SETMAR: variants seen among roughly 807,000 people sequenced by gnomAD.
The protein encoded by SETMAR is histone-lysine N-methyltransferase SETMAR.
In SETMAR, 44 loss-of-function variants were observed where a neutral mutation model predicts 58.4. That is an observed-to-expected ratio of 0.75 (90% CI 0.59 to 0.97). SETMAR has a LOEUF of 0.97. Among genes scored for constraint, SETMAR ranks in the 50% least tolerant of loss-of-function variants. The pLI is 0.00. For missense variants in SETMAR, 903 were observed against 840.2 expected (o/e 1.07, Z -0.92); for synonymous variants, 332 against 307.4 (o/e 1.08, Z -0.84).
At chr3:4,312,873 C>T in intron 1 of SETMAR, 25 bp from the exon 2 acceptor site, 5 of 1,586,622 alleles carry the variant, frequency 3.2e-6, no homozygotes, top group Non-Finnish European at 3.4e-6. Flanking sequence ...GCCGTGCTGA[C>T]TTACAGTGTG....
chr3:4,303,613 A>T lies in SETMAR; in HGVS notation c.156+87A>T, dbSNP rs559489150. The T allele has an allele frequency of 1.1e-3, 1,531 of 1,377,484 alleles. 10 individuals are homozygous for T. Among genetic ancestry groups the T allele is most frequent in the Middle Eastern group, 7.8e-3 (29 of 3,700 alleles). The allele number at this position is 1,377,484 out of a possible 1,614,324, so 85.3% of individuals were successfully genotyped here. On this transcript the variant is annotated intron_variant, in intron 1 of 2. Transcript: ENST00000358065. ...AGCCGCCTCGCTGGGACGGCCTCCC[A>T]GTCGCGACCTTTTGTCTTCTCTTAC...
intron 2 of SETMAR, 25 bp from the exon 3 acceptor site, chr3:4,316,187 T>A: frequency 3.0e-6 from 2 of 663,050 alleles, no homozygotes; most frequent in South Asian, 3.3e-5. Flanking sequence ...AATGACATCT[T>A]ACTTGCTGTT....
chr3:4,316,184 TCTTA>T, intron 2 of SETMAR, 24 bp from the exon 3 acceptor site: 2 of 654,284 alleles, frequency 3.1e-6, no homozygotes, highest in Non-Finnish European at 5.5e-6. Context: ...GCTAATGACA[TCTTA>T]CTTGCTGTTT....
rs568818086 is a variant in SETMAR, at chr3:4,313,447, C to T, written c.706C>T (p.Arg236Ter). 7.2e-5 allele frequency: 117 copies of T among 1,613,908 alleles called. 2 individuals are homozygous for T. In the South Asian group the frequency reaches 9.2e-4, roughly 13 times the overall value. ...GCCAAACCTTTTGATGATTCCTGTC[C>T]GAATTGACTCAATGGTACCTAAGTT... is the stretch of plus-strand genomic sequence containing the variant. ...CEPNLLMIPVRIDSMVPKLAL... is the reference protein window; with the variant it reads ...CEPNLLMIPV The change falls in exon 2 of 3, where the codon CGA becomes TGA. Residue 236 changes from arginine to a stop codon, truncating the protein, a stop_gained. Coordinates refer to ENST00000358065, the MANE Select transcript of SETMAR (RefSeq NM_006515.4). LOFTEE classifies it high-confidence loss of function.
Position 4,309,505 on chromosome 3 carries a change from C to G in SETMAR, c.157-3393C>G, listed in dbSNP as rs310725. On this transcript the variant is annotated intron_variant, in intron 1 of 2. Coordinates refer to ENST00000358065, the MANE Select transcript of SETMAR (RefSeq NM_006515.4). ...TTGTTTGCAAGAAACATAACACAAACTGGCTCCAACAAAAAAGGGAAGGAA... is the reference window on the plus strand; with the variant it reads ...TTGTTTGCAAGAAACATAACACAAAGTGGCTCCAACAAAAAAGGGAAGGAA... Among the ~76,000 whole-genome samples the G allele has an allele frequency of 4.2e-3, 642 of 152,286 alleles. 3 individuals are homozygous for G. Among genetic ancestry groups the G allele is most frequent in the African/African-American group, 0.014 (600 of 41,570 alleles).
At chr3:4,309,194 A>G (rs1698308744) in intron 1 of SETMAR, among the ~76,000 whole-genome samples, 1 of 152,214 alleles carries the variant, frequency 6.6e-6, no homozygotes, top group Admixed American at 6.5e-5. Flanking sequence ...AGCAGGCTTC[A>G]GAGAGAATAG....
In SETMAR at chr3:4,303,501, C is replaced by T. The variant is rs1236145530; in HGVS notation, c.131C>T (p.Pro44Leu). ...AACTTGCCGGTGGGCGCGTGGCCCC[C>T]GGGGGCCGCGCCGGCGCCCTTCCAG... ...QENLPVGAWP[P>L]GAAPAPFQYT... Residue 44 changes from proline to leucine, a missense_variant, in exon 1 of 3, where the codon CCG (proline) becomes CTG (leucine). Transcript: ENST00000358065. 2 of 1,452,586 alleles carry T rather than the reference C, an allele frequency of 1.4e-6. No individual in the cohort carries two copies. The highest frequency in any genetic ancestry group is 6.0e-5 in the East Asian group (2 of 33,086). 90.0% of individuals were successfully genotyped at this position (1,452,586 alleles called of 1,614,324 possible).
rs992418353 is a variant in SETMAR at position 4,317,009 on chromosome 3, C to T, written c.1818C>T (p.Gly606=). ...CACTTCAAAAGTTGAATGAATTGGG[C>T]TATGAAGTTTTGCCTCATCCACCGT... The part of the protein sequence containing the change: ...QPTLQKLNEL[G]YEVLPHPPYS... Residue 606 remains glycine (G), a synonymous_variant, in exon 3 of 3, where the codon GGC becomes GGT. Transcript: ENST00000358065. 4 of 1,549,282 alleles carry T rather than the reference C, an allele frequency of 2.6e-6. No individual in the cohort carries two copies. The highest frequency in any genetic ancestry group is 2.0e-5 in the Admixed American group (1 of 50,964).
At chr3:4,310,494 T>C (rs1259867349) in intron 1 of SETMAR, among the ~76,000 whole-genome samples, 1 of 152,176 alleles carries the variant, frequency 6.6e-6, no homozygotes, top group Non-Finnish European at 1.5e-5. Context: ...AGTGATTATA[T>C]CCATCACGGG....
rs1002082289 is a variant in SETMAR, at chr3:4,313,238, G to T, written c.497G>T (p.Cys166Phe). The T allele has an allele frequency of 1.9e-6, 3 of 1,613,970 alleles. No homozygotes were observed. Among genetic ancestry groups the T allele is most frequent in the Non-Finnish European group, 2.5e-6 (3 of 1,179,994 alleles). The change falls in exon 2 of 3, where the codon TGT becomes TTT. Residue 166 changes from cysteine (C) to phenylalanine (F), a missense_variant. Transcript: ENST00000358065. ...LEFIPKGRFV[C>F]EYAGEVLGFS... is the part of the protein sequence containing the mutation. Reference sequence around the variant, plus strand: ...TTTATACCGAAAGGAAGGTTTGTCTGTGAATATGCTGGTGAGGTTTTAGGA... The same window carrying T: ...TTTATACCGAAAGGAAGGTTTGTCTTTGAATATGCTGGTGAGGTTTTAGGA...
In SETMAR at chr3:4,313,336, C is replaced by G. The variant is rs758612332; in HGVS notation, c.595C>G (p.His199Asp). 17 of 1,613,982 alleles carry G rather than the reference C, an allele frequency of 1.1e-5. No individual in the cohort carries two copies. The highest frequency in any genetic ancestry group is 5.0e-5 in the Admixed American group (3 of 59,966). ...CAATTACATTATAGCCATCAGGGAA[C>G]ATGTTTATAATGGGCAGGTAATGGA... ...DSNYIIAIRE[H>D]VYNGQVMETF... is the part of the protein sequence containing the mutation. The change falls in exon 2 of 3, where the codon CAT (histidine) becomes GAT (aspartate). Residue 199 changes from histidine to aspartate, a missense_variant. Transcript: ENST00000358065.
intron 1 of SETMAR, among the ~76,000 whole-genome samples, chr3:4,308,522 T>C (rs1437139867): frequency 6.6e-6 from 1 of 152,144 alleles, no homozygotes. Flanking sequence ...TGACATGGAG[T>C]ACAGCATTAT....
chr3:4,306,463 G>A (rs1416928048), intron 1 of SETMAR, among the ~76,000 whole-genome samples: 1 of 152,058 alleles, frequency 6.6e-6, no homozygotes, highest in Non-Finnish European at 1.5e-5. Context: ...ACAGTTGGTG[G>A]GCATAAATGA....
Position 4,313,748 on chromosome 3 carries a change from G to T in SETMAR, c.1007G>T (p.Arg336Leu), listed in dbSNP as rs768840346. ...SAPSVFPSCK[R>L]LTLETMKMML... is the part of the protein sequence containing the mutation. ...CCTTCTGTGTTCCCCTCCTGCAAGC[G>T]ATTGACCCTTGAGGTGAGTCTGTTC... Residue 336 changes from arginine (R) to leucine (L), a missense_variant, in exon 2 of 3, where the codon CGA becomes CTA. Physicochemically the swap from Arg to Leu is moderately radical, Grantham distance 102. Transcript: ENST00000358065. 1.5e-5 allele frequency: 24 copies of T among 1,613,890 alleles called. No homozygotes were observed. Among genetic ancestry groups the T allele is most frequent in the Non-Finnish European group, 1.8e-5 (21 of 1,179,954 alleles).
chr3:4,315,496 C>A (rs1482659827), intron 2 of SETMAR, among the ~76,000 whole-genome samples: 1 of 152,146 alleles, frequency 6.6e-6, no homozygotes, highest in Non-Finnish European at 1.5e-5. Context: ...TGAATATGGA[C>A]CCCTGGAAAT....
chr3:4,313,549 ACAGT>A lies in SETMAR; in HGVS notation c.813_816del (p.Ser272LysfsTer6). The A allele has an allele frequency of 1.2e-6, 2 of 1,614,044 alleles. No individual in the cohort carries two copies. The highest frequency in any genetic ancestry group is 1.7e-6 in the Non-Finnish European group (2 of 1,179,954). On this transcript the variant is annotated frameshift_variant, in exon 2 of 3. Coordinates refer to ENST00000358065, the MANE Select transcript of SETMAR (RefSeq NM_006515.4). LOFTEE classifies it high-confidence loss of function. Reference sequence around the variant, plus strand: ...TTATTCAGGAAGATATCTTAATCTAACAGTCAGTGAAGACAAAGAAAGGCTAGAT... The same window carrying A: ...TTATTCAGGAAGATATCTTAATCTAACAGTGAAGACAAAGAAAGGCTAGAT...
In SETMAR at chr3:4,316,685, G is replaced by A. The variant is rs1217565789; in HGVS notation, c.1494G>A (p.Lys498=). The A allele has an allele frequency of 1.3e-6, 2 of 1,551,062 alleles. No homozygotes were observed. The highest frequency in any genetic ancestry group is 2.7e-5 in the African/African-American group (2 of 73,004). Residue 498 remains lysine, a synonymous_variant, in exon 3 of 3, where the codon AAG becomes AAA. Coordinates refer to ENST00000358065, the MANE Select transcript of SETMAR (RefSeq NM_006515.4). ...FLDRIVTCDE[K]WILYDNRRRS... is the part of the protein sequence containing the mutation. The stretch of plus-strand genomic sequence containing the variant: ...ATCGGATTGTGACGTGTGATGAAAA[G>A]TGGATTTTATATGACAACCGGCGAC...
Position 4,313,646 on chromosome 3 carries a change from G to T in SETMAR, c.905G>T (p.Ser302Ile). The T allele has an allele frequency of 1.2e-6, 2 of 1,614,074 alleles. No individual in the cohort carries two copies. Among genetic ancestry groups the T allele is most frequent in the Non-Finnish European group, 1.7e-6 (2 of 1,179,996 alleles). Residue 302 changes from serine (S) to isoleucine (I), a missense_variant, in exon 2 of 3, where the codon AGT (serine) becomes ATT (isoleucine). By Grantham distance (142) the Ser-to-Ile change is moderately radical (BLOSUM62 -2). Transcript: ENST00000358065. ...KSCTAFLPFD[S>I]SLYCPVEKSN... is the part of the protein sequence containing the mutation. ...TGTACTGCTTTCCTGCCTTTTGACA[G>T]TTCTCTGTACTGCCCCGTAGAAAAG... is the stretch of plus-strand genomic sequence containing the variant.
At chr3:4,306,856 T>C (rs1017281969) in intron 1 of SETMAR, among the ~76,000 whole-genome samples, 1 of 152,228 alleles carries the variant, frequency 6.6e-6, no homozygotes, top group Non-Finnish European at 1.5e-5. Flanking sequence ...ATTCAAATGT[T>C]CATATTGGAA....
Sources: allele counts gnomAD v4.1 joint callset (sites outside exome capture counted in the v4.1 genomes callset), GRCh38; gene constraint gnomAD v4.1.1; transcripts MANE v1.5; gene names NCBI Gene and HGNC (gene_info 2026-07-23, HGNC 2026-07-21).